GDPD4: variants seen among roughly 807,000 people sequenced by gnomAD.
GDPD4 encodes the protein glycerophosphodiester phosphodiesterase domain containing 4.
Under a neutral mutation model 67.8 loss-of-function variants are expected in GDPD4, and 60 were observed. The ratio of observed to expected loss-of-function variants is 0.88; its 90% CI spans 0.72 to 1.10. GDPD4 has a LOEUF of 1.10. Ranked by LOEUF, GDPD4 falls within the 50% of genes least tolerant of loss-of-function variation. The probability of loss-of-function intolerance (pLI) is 0.00; values close to 1 mark genes in which losing one functional copy is unlikely to be tolerated. For missense variants in GDPD4, 623 were observed against 613.9 expected (o/e 1.01, Z -0.16); for synonymous variants, 212 against 210.9 (o/e 1.00, Z -0.04).
At chr11:77,236,282 C>T (rs1048685837) in intron 13 of GDPD4, among the ~76,000 whole-genome samples, 3 of 151,818 alleles carry the variant, frequency 2.0e-5, no homozygotes, top group African/African-American at 7.3e-5. Flanking sequence ...TTTCTGCACC[C>T]ATCAACTCAT....
At chr11:77,252,701 A>T (rs911685666) in intron 11 of GDPD4, among the ~76,000 whole-genome samples, 2 of 152,134 alleles carry the variant, frequency 1.3e-5, no homozygotes, top group Non-Finnish European at 2.9e-5. Flanking sequence ...GTCTTAGTGC[A>T]CTAGTTGAGA....
At chr11:77,297,552 A>C (rs1477963154) in intron 1 of GDPD4, among the ~76,000 whole-genome samples, 11 of 152,004 alleles carry the variant, frequency 7.2e-5, no homozygotes, top group Admixed American at 5.9e-4. Context: ...AAAAAAAAAA[A>C]AAAGTAGATG....
rs779034959 is a variant in GDPD4, at chr11:77,233,045, C to G, written c.1369G>C (p.Asp457His). ...TDNIGLLSQL[D>H]HPHFFMTPKF... ...CTCACCATGAAGAAGTGAGGGTGAT[C>G]AAGCTGACTCAGGAGCCCAATGTTG... The change falls in exon 14 of 17, where the codon GAT becomes CAT. Residue 457 changes from aspartate to histidine, a missense_variant. Physicochemically the swap from Asp to His is moderately conservative, Grantham distance 81. Transcript: ENST00000315938. 1 of 1,614,078 alleles carries G rather than the reference C, an allele frequency of 6.2e-7. No individual in the cohort carries two copies. The highest frequency in any genetic ancestry group is 1.1e-5 in the South Asian group (1 of 91,064).
At chr11:77,223,678 CTGTT>C (rs1341565701) in intron 16 of GDPD4, among the ~76,000 whole-genome samples, 2 of 152,236 alleles carry the variant, frequency 1.3e-5, no homozygotes, top group Admixed American at 1.3e-4. Context: ...AGCAGTCTGT[CTGTT>C]CTCAGAGCTC....
chr11:77,297,684 G>A (rs1938022688), intron 1 of GDPD4, among the ~76,000 whole-genome samples: 1 of 152,120 alleles, frequency 6.6e-6, no homozygotes, highest in Non-Finnish European at 1.5e-5. Context: ...GGATGATAAT[G>A]GTACATATCC....
chr11:77,277,075 G>A (rs1276263158), intron 4 of GDPD4, among the ~76,000 whole-genome samples: 1 of 152,014 alleles, frequency 6.6e-6, no homozygotes, highest in Non-Finnish European at 1.5e-5. Context: ...TAGAAAGTTT[G>A]TTAAAATATA....
chr11:77,244,325 C>A (rs1958737667), intron 12 of GDPD4, among the ~76,000 whole-genome samples: 1 of 152,184 alleles, frequency 6.6e-6, no homozygotes, highest in Admixed American at 6.5e-5. Context: ...AGCCACCGCG[C>A]CCAGCCCTGG....
chr11:77,244,914 T>A (rs1404462607), intron 12 of GDPD4, among the ~76,000 whole-genome samples: 1 of 152,190 alleles, frequency 6.6e-6, no homozygotes, highest in Admixed American at 6.5e-5. Flanking sequence ...CCTTTCTATA[T>A]CATTCATCAT....
intron 5 of GDPD4, among the ~76,000 whole-genome samples, chr11:77,273,426 T>G (rs1330111154): frequency 6.6e-6 from 1 of 152,176 alleles, no homozygotes. Flanking sequence ...ACAATCACCC[T>G]GCACTTTTCA....
At chr11:77,245,230 G>A (rs983442275) in intron 12 of GDPD4, 51 bp downstream of exon 12, 6 of 1,398,778 alleles carry the variant, frequency 4.3e-6, no homozygotes, top group Non-Finnish European at 6.1e-6. Context: ...GTGCTCCTAG[G>A]ACATGCTACC....
At position 77,280,142 on chromosome 11, in the gene GDPD4, C is replaced by T. The variant is rs116975882; in HGVS notation, c.54-743G>A. Among the ~76,000 whole-genome samples, 54 of 151,036 alleles carry T rather than the reference C, an allele frequency of 3.6e-4. 1 individual carries two copies. The East Asian group carries it at 0.01, about 28-fold the overall frequency. ...GAGCCTTAACTAGCAAAAGGTATCC[C>T]AGATCAAGACTGGGAAGAGTGCTCT... On this transcript the variant is annotated intron_variant, in intron 3 of 16. Coordinates refer to ENST00000315938, the MANE Select transcript of GDPD4 (RefSeq NM_182833.3).
chr11:77,287,552 C>T (rs1218724739), intron 1 of GDPD4, 132 bp from the exon 2 acceptor site: 2 of 152,156 alleles, frequency 1.3e-5, no homozygotes, highest in African/African-American at 4.8e-5. Flanking sequence ...AGGTAATATA[C>T]TGGATTTGGG....
intron 13 of GDPD4, 95 bp from the exon 14 acceptor site, chr11:77,233,267 C>T: frequency 4.2e-6 from 5 of 1,181,920 alleles, no homozygotes; most frequent in Non-Finnish European, 4.9e-6. Flanking sequence ...AAGGCTGTTG[C>T]CTAAATCACC....
intron 9 of GDPD4, 77 bp downstream of exon 9, chr11:77,268,847 A>G (rs1030546479): frequency 2.1e-6 from 3 of 1,439,954 alleles, no homozygotes; most frequent in Non-Finnish European, 2.9e-6. Context: ...AGGGGCTTCC[A>G]TGGTTCTCTT....
At chr11:77,220,640 C>A (rs1397375030) in intron 16 of GDPD4, among the ~76,000 whole-genome samples, 2 of 141,398 alleles carry the variant, frequency 1.4e-5, no homozygotes, top group African/African-American at 5.3e-5. Flanking sequence ...CATCAATGTT[C>A]ATCAGGGATA....
At chr11:77,271,428 G>A in intron 5 of GDPD4, 35 bp from the exon 6 acceptor site, 1 of 1,317,978 alleles carries the variant, frequency 7.6e-7, no homozygotes, top group Non-Finnish European at 1.1e-6. Context: ...CTGACTTCAA[G>A]CACTAGGCTT....
chr11:77,255,853 C>A (rs1036482447), intron 11 of GDPD4, among the ~76,000 whole-genome samples: 1 of 151,490 alleles, frequency 6.6e-6, no homozygotes, highest in African/African-American at 2.4e-5. Context: ...GGCTACAGAG[C>A]GAGACTCTGT....
At chr11:77,241,126 T>A (rs967327309) in intron 13 of GDPD4, among the ~76,000 whole-genome samples, 1 of 152,208 alleles carries the variant, frequency 6.6e-6, no homozygotes, top group African/African-American at 2.4e-5. Context: ...ATATCTGTAC[T>A]CCCATGTTCA....
At chr11:77,222,355 G>A (rs1156554267) in intron 16 of GDPD4, among the ~76,000 whole-genome samples, 1 of 152,184 alleles carries the variant, frequency 6.6e-6, no homozygotes, top group Non-Finnish European at 1.5e-5. Context: ...TGCAGTGGCT[G>A]GTACTGGTTG....
Sources: allele counts gnomAD v4.1 joint callset (sites outside exome capture counted in the v4.1 genomes callset), GRCh38; gene constraint gnomAD v4.1.1; transcripts MANE v1.5; gene names NCBI Gene and HGNC (gene_info 2026-07-23, HGNC 2026-07-21).